Variants in RBFOX1 observed in about 807,000 individuals in gnomAD.
The protein encoded by RBFOX1 is RNA binding protein fox-1 homolog 1.
Under a neutral mutation model 57.7 loss-of-function variants are expected in RBFOX1, and 8 were observed. The observed-to-expected ratio is 0.14, with a 90% confidence interval of 0.08 to 0.25. RBFOX1 has a LOEUF of 0.25. Among genes scored for constraint, RBFOX1 ranks in the 10% least tolerant of loss-of-function variants. The probability of loss-of-function intolerance (pLI) is 1.00; values close to 1 mark genes in which losing one functional copy is unlikely to be tolerated. For missense variants in RBFOX1, 611 were observed against 548.5 expected, an observed-to-expected ratio of 1.11 and a Z score of -1.14; for synonymous variants, 326 against 222.4, an observed-to-expected ratio of 1.47 and a Z score of -4.15.
At chr16:6,198,607 A>G (rs1163514792) in intron 1 of RBFOX1, among the ~76,000 whole-genome samples, 1 of 152,194 alleles carries the variant, frequency 6.6e-6, no homozygotes. Context: ...CTAACATTCC[A>G]TGCTTTTAAA....
At chr16:6,918,501 C>A (rs573249084) in intron 3 of RBFOX1, among the ~76,000 whole-genome samples, 3 of 152,158 alleles carry the variant, frequency 2.0e-5, no homozygotes, top group Non-Finnish European at 2.9e-5. Context: ...AAATTAATGT[C>A]TGCCTGGGCC....
In RBFOX1 at chr16:6,623,837, T is replaced by C. The variant is rs550572896; in HGVS notation, c.-63-30766T>C. Among the ~76,000 whole-genome samples the C allele has an allele frequency of 2.0e-5, 3 of 152,316 alleles. No homozygotes were observed. The South Asian group carries it at 6.2e-4, about 32-fold the overall frequency. On this transcript the variant is annotated intron_variant, in intron 2 of 15. Coordinates refer to ENST00000550418, the MANE Select transcript of RBFOX1 (RefSeq NM_018723.4). Reference sequence around the variant, plus strand: ...TATGTGCCACATTTTCTTAATCCAGTCTATCATTGTTGGACATTTGGGTTG... The same window carrying C: ...TATGTGCCACATTTTCTTAATCCAGCCTATCATTGTTGGACATTTGGGTTG...
chr16:6,509,545 G>A (rs188446304), intron 2 of RBFOX1, among the ~76,000 whole-genome samples: 17 of 152,264 alleles, frequency 1.1e-4, no homozygotes, highest in Non-Finnish European at 2.1e-4. Context: ...AGGAAGGATA[G>A]TGTGGAAGGA....
intron 4 of RBFOX1, among the ~76,000 whole-genome samples, chr16:5,955,395 A>G (rs79581433): frequency 9.7e-4 from 66 of 68,036 alleles, no homozygotes; most frequent in African/African-American, 3.1e-3. Context: ...ATAAAATAAA[A>G]TAAAATAAAA....
rs546559734 is a variant in RBFOX1 at position 6,540,651 on chromosome 16, C to G, written c.-63-113952C>G. On this transcript the variant is annotated intron_variant, in intron 2 of 15. Coordinates refer to ENST00000550418, the MANE Select transcript of RBFOX1 (RefSeq NM_018723.4). ...AAAAAAAAAAAAACCTCAAGTCAGTCTCTGTACAGACGTTTCAAGAATGCC... is the reference window on the plus strand; with the variant it reads ...AAAAAAAAAAAAACCTCAAGTCAGTGTCTGTACAGACGTTTCAAGAATGCC... Among the ~76,000 whole-genome samples the G allele has an allele frequency of 7.4e-5, 11 of 147,826 alleles. No homozygotes were observed. In the South Asian group the frequency reaches 2.4e-3, roughly 32 times the overall value.
In RBFOX1 at chr16:5,944,872, A is replaced by G. The variant is rs571848071; in HGVS notation, c.351+77537A>G. The stretch of plus-strand genomic sequence containing the variant: ...TACTCAGGAGGCAGAAGGCTGAGGC[A>G]GGAGAATCACTTGAACCCAGGAGGC... On this transcript the variant is annotated intron_variant, in intron 4 of 19. Transcript: ENST00000641259. Among the ~76,000 whole-genome samples the G allele has an allele frequency of 3.5e-5, 5 of 144,352 alleles. No homozygotes were observed. The East Asian group carries it at 1.1e-3, about 31-fold the overall frequency. 94.7% of individuals were successfully genotyped at this position (144,352 alleles called of 152,430 possible). A position where few individuals can be genotyped will look rare whatever the true frequency, so the allele number is the denominator to read the frequency against.
intron 1 of RBFOX1, among the ~76,000 whole-genome samples, chr16:6,031,954 A>G (rs1418706515): frequency 1.3e-5 from 2 of 152,020 alleles, no homozygotes; most frequent in South Asian, 2.1e-4. Context: ...TCATTTGTTC[A>G]CTGTAGTCCA....
chr16:7,378,585 G>T (rs2097728113), intron 4 of RBFOX1, among the ~76,000 whole-genome samples: 1 of 152,212 alleles, frequency 6.6e-6, no homozygotes, highest in Admixed American at 6.5e-5. Flanking sequence ...TCTGGGACAT[G>T]GTGGTGGGAG....
intron 3 of RBFOX1, among the ~76,000 whole-genome samples, chr16:6,701,036 G>A (rs768169079): frequency 3.0e-5 from 3 of 99,706 alleles, no homozygotes; most frequent in South Asian, 3.1e-4. Context: ...GTTGGGCAGA[G>A]GGGGGGGTGA....
intron 4 of RBFOX1, among the ~76,000 whole-genome samples, chr16:7,114,008 T>A (rs993337358): frequency 1.3e-5 from 2 of 152,194 alleles, no homozygotes; most frequent in African/African-American, 2.4e-5. Flanking sequence ...TTATAATTAT[T>A]TGATCAATAA....
chr16:7,396,561 C>G (rs964425353), intron 4 of RBFOX1, among the ~76,000 whole-genome samples: 2 of 152,146 alleles, frequency 1.3e-5, no homozygotes, highest in Non-Finnish European at 2.9e-5. Flanking sequence ...GTGCTGAGTT[C>G]TCATTCTGGA....
At chr16:5,368,091 C>G (rs36000988) in intron 1 of RBFOX1, among the ~76,000 whole-genome samples, 1 of 152,074 alleles carries the variant, frequency 6.6e-6, no homozygotes, top group Non-Finnish European at 1.5e-5. Flanking sequence ...TCAGTTCAGC[C>G]CATTAGATTT....
At chr16:6,260,198 G>T (rs1300392483) in intron 1 of RBFOX1, among the ~76,000 whole-genome samples, 2 of 152,138 alleles carry the variant, frequency 1.3e-5, no homozygotes, top group African/African-American at 4.8e-5. Flanking sequence ...TACTTTACAT[G>T]CAGCCTGTGG....
intron 2 of RBFOX1, among the ~76,000 whole-genome samples, chr16:6,328,785 A>G (rs1011065003): frequency 6.6e-6 from 1 of 152,162 alleles, no homozygotes; most frequent in African/African-American, 2.4e-5. Flanking sequence ...CTTTTACTAT[A>G]GAGAATGGGA....
chr16:6,838,391 G>A (rs11646676), intron 3 of RBFOX1, among the ~76,000 whole-genome samples: 1 of 151,998 alleles, frequency 6.6e-6, no homozygotes, highest in South Asian at 2.1e-4. Context: ...ATATTCCCTG[G>A]TGCATATGTG....
chr16:6,502,681 T>A (rs991733178), intron 2 of RBFOX1, among the ~76,000 whole-genome samples: 9 of 152,162 alleles, frequency 5.9e-5, no homozygotes, highest in African/African-American at 2.2e-4. Flanking sequence ...GTTAACTCTT[T>A]TACCTCTGCT....
At chr16:7,227,394 C>G (rs1039411719) in intron 4 of RBFOX1, among the ~76,000 whole-genome samples, 4 of 151,222 alleles carry the variant, frequency 2.6e-5, no homozygotes, top group African/African-American at 9.7e-5. Flanking sequence ...CTCTCGTAAC[C>G]TTCAACTCCA....
At chr16:7,340,893 G>T (rs1438444351) in intron 4 of RBFOX1, among the ~76,000 whole-genome samples, 1 of 152,104 alleles carries the variant, frequency 6.6e-6, no homozygotes, top group African/African-American at 2.4e-5. Context: ...CTGTCATTTT[G>T]ATCATTTTAA....
chr16:7,578,780 A>AC (rs2093526974), intron 5 of RBFOX1, among the ~76,000 whole-genome samples: 3 of 23,550 alleles, frequency 1.3e-4, no homozygotes, highest in Non-Finnish European at 4.3e-4. Context: ...CTAATTGCAG[A>AC]GAAGTATCAA....
Sources: gnomAD v4.1 joint callset for allele counts (sites outside exome capture counted in the v4.1 genomes callset) on GRCh38, gnomAD v4.1.1 for gene constraint, MANE v1.5 for transcripts, NCBI Gene and HGNC (gene_info 2026-07-23, HGNC 2026-07-21) for gene names.